MUC7: variants seen among roughly 807,000 people sequenced by gnomAD.
MUC7 encodes the protein mucin 7, secreted.
Under a neutral mutation model 2.5 loss-of-function variants are expected in MUC7, and 2 were observed. The observed-to-expected ratio is 0.81, with a 90% CI of 0.33 to 2.55. The LOEUF is 2.55. MUC7 is among the 30% of genes most tolerant of loss of function. The probability of loss-of-function intolerance (pLI) is 0.11; values close to 1 mark genes in which losing one functional copy is unlikely to be tolerated. For synonymous variants in MUC7, 133 were observed against 173.4 expected, an observed-to-expected ratio of 0.77 and a Z score of 1.83; for missense variants, 408 against 455.6, an observed-to-expected ratio of 0.90 and a Z score of 0.95.
At chr4:70,438,269 T>C (rs1335829693) in intron 1 of MUC7, among the ~76,000 whole-genome samples, 1 of 152,172 alleles carries the variant, frequency 6.6e-6, no homozygotes, top group Non-Finnish European at 1.5e-5. Flanking sequence ...GACATTGCAA[T>C]ATAATAAACT....
At chr4:70,456,051 C>T (rs1734402264) in intron 1 of MUC7, among the ~76,000 whole-genome samples, 1 of 152,172 alleles carries the variant, frequency 6.6e-6, no homozygotes, top group South Asian at 2.1e-4. Flanking sequence ...TTGGTCACAA[C>T]TATTCTAACA....
chr4:70,460,777 T>G (rs1462331530), intron 1 of MUC7, among the ~76,000 whole-genome samples: 1 of 151,962 alleles, frequency 6.6e-6, no homozygotes, highest in African/African-American at 2.4e-5. Context: ...GGGATGTCAG[T>G]GGAGGTTTCT....
chr4:70,474,768 A>C (rs769695251), intron 2 of MUC7, among the ~76,000 whole-genome samples: 2 of 152,140 alleles, frequency 1.3e-5, no homozygotes, highest in Non-Finnish European at 2.9e-5. Flanking sequence ...AAGCACTCCC[A>C]GGGGATTTAC....
At chr4:70,478,129 A>G (rs1278145306) in intron 2 of MUC7, among the ~76,000 whole-genome samples, 4 of 152,246 alleles carry the variant, frequency 2.6e-5, no homozygotes, top group Non-Finnish European at 5.9e-5. Flanking sequence ...CCAAGCTAAC[A>G]TTAAAATTAA....
rs772517701 is a variant in MUC7, at chr4:70,481,898, T to C, written c.*20T>C. 1 of 1,601,592 alleles carries C rather than the reference T, an allele frequency of 6.2e-7. No individual in the cohort carries two copies. Among genetic ancestry groups the C allele is most frequent in the Non-Finnish European group, 8.5e-7 (1 of 1,173,540 alleles). Reference sequence around the variant, plus strand: ...CAATAGTATATTGTATGTTGTAAAGTGTTCTGTCATTTACAAGATGTGATT... The same window carrying C: ...CAATAGTATATTGTATGTTGTAAAGCGTTCTGTCATTTACAAGATGTGATT... On this transcript the variant is annotated 3_prime_UTR_variant, in exon 3 of 3. Coordinates refer to ENST00000304887, the MANE Select transcript of MUC7 (RefSeq NM_152291.3).
intron 1 of MUC7, among the ~76,000 whole-genome samples, chr4:70,460,638 C>G (rs1734531757): frequency 6.6e-6 from 1 of 151,954 alleles, no homozygotes; most frequent in Admixed American, 6.6e-5. Context: ...TGGGGGCCAT[C>G]TTTTTGATGT....
chr4:70,449,823 A>G (rs1480068499), intron 1 of MUC7, among the ~76,000 whole-genome samples: 3 of 152,088 alleles, frequency 2.0e-5, no homozygotes, highest in Non-Finnish European at 4.4e-5. Context: ...CTCTGTTCTG[A>G]GCCACCTAAA....
chr4:70,473,952 A>T, intron 1 of MUC7, 55 bp from the exon 2 acceptor site: 1 of 1,247,728 alleles, frequency 8.0e-7, no homozygotes, highest in Non-Finnish European at 1.2e-6. Context: ...ACCAAAACGC[A>T]TTCCTCTCCC....
chr4:70,453,952 C>T (rs985818756), intron 1 of MUC7, among the ~76,000 whole-genome samples: 1 of 152,042 alleles, frequency 6.6e-6, no homozygotes, highest in Non-Finnish European at 1.5e-5. Flanking sequence ...GAGGTAGATC[C>T]TAGAATGGGG....
In MUC7 at chr4:70,482,940, C is replaced by T. The variant is rs933881579; in HGVS notation, c.*1062C>T. ...TATCTTCTGTCACTACTACTTAAAA[C>T]TCTGATGATTATGTTAGATTTTTTT... On this transcript the variant is annotated 3_prime_UTR_variant, in exon 3 of 3. Transcript: ENST00000304887. 3.3e-5 allele frequency: 5 copies of T among 152,414 alleles called. No individual in the cohort carries two copies. The South Asian group carries it at 8.3e-4, about 25-fold the overall frequency. The allele number at this position is 152,414 out of a possible 1,614,324, so 9.4% of individuals were successfully genotyped here.
chr4:70,461,578 C>G (rs1408566669), intron 1 of MUC7, among the ~76,000 whole-genome samples: 1 of 152,138 alleles, frequency 6.6e-6, no homozygotes, highest in Non-Finnish European at 1.5e-5. Flanking sequence ...CCTTCTTATT[C>G]TGTGTCTTTG....
intron 1 of MUC7, among the ~76,000 whole-genome samples, chr4:70,458,925 T>A (rs1734477591): frequency 6.6e-6 from 1 of 152,044 alleles, no homozygotes. Context: ...GGGAAAATAT[T>A]TAATAGAATA....
At chr4:70,447,460 C>T (rs2109711748) in intron 1 of MUC7, among the ~76,000 whole-genome samples, 1 of 152,154 alleles carries the variant, frequency 6.6e-6, no homozygotes, top group African/African-American at 2.4e-5. Context: ...TTATTCCTTC[C>T]AATCCAAATA....
intron 1 of MUC7, among the ~76,000 whole-genome samples, chr4:70,446,870 C>A (rs1734153721): frequency 6.6e-6 from 1 of 152,022 alleles, no homozygotes; most frequent in Non-Finnish European, 1.5e-5. Context: ...TCAAGTTTTT[C>A]TTTATTATAA....
At chr4:70,462,458 AT>A (rs1734580998) in intron 1 of MUC7, among the ~76,000 whole-genome samples, 1 of 152,132 alleles carries the variant, frequency 6.6e-6, no homozygotes, top group African/African-American at 2.4e-5. Flanking sequence ...AAATCACTAT[AT>A]TTTCTTCTAG....
At chr4:70,470,997 A>C (rs1651947312), upstream of MUC7, among the ~76,000 whole-genome samples, 2 of 152,196 alleles carry the variant, frequency 1.3e-5, no homozygotes, top group Non-Finnish European at 2.9e-5. Flanking sequence ...GAAGTTAGCT[A>C]ACCTGTCAAA....
intron 2 of MUC7, among the ~76,000 whole-genome samples, chr4:70,479,647 T>C (rs1234283520): frequency 1.3e-5 from 2 of 152,218 alleles, no homozygotes; most frequent in Non-Finnish European, 2.9e-5. Context: ...AAGAGGGATA[T>C]AAAAGGCATG....
intron 1 of MUC7, among the ~76,000 whole-genome samples, chr4:70,465,098 C>T (rs1734649112): frequency 6.6e-6 from 1 of 152,234 alleles, no homozygotes; most frequent in African/African-American, 2.4e-5. Context: ...TGGTGATACC[C>T]AGGCAAACAG....
At chr4:70,445,105 C>A (rs1040740580) in intron 1 of MUC7, among the ~76,000 whole-genome samples, 3 of 152,112 alleles carry the variant, frequency 2.0e-5, no homozygotes, top group Non-Finnish European at 4.4e-5. Flanking sequence ...ACCAAACGAA[C>A]TTTCATTCCC....
Sources: allele counts gnomAD v4.1 joint callset (sites outside exome capture counted in the v4.1 genomes callset), GRCh38; gene constraint gnomAD v4.1.1; transcripts MANE v1.5; gene names NCBI Gene and HGNC (gene_info 2026-07-23, HGNC 2026-07-21).